The following TMEM26 variants were observed in gnomAD, a reference collection of about 807,000 sequenced individuals.
TMEM26 encodes the protein transmembrane protein 26.
Under a neutral mutation model 28.8 loss-of-function variants are expected in TMEM26, and 38 were observed. The ratio of observed to expected loss-of-function variants is 1.32; its 90% CI spans 1.02 to 1.73. The LOEUF (loss-of-function observed/expected upper bound fraction) is 1.73. Among genes scored for constraint, TMEM26 ranks in the 40% most tolerant of loss-of-function variants. TMEM26 has a pLI of 0.00. For synonymous variants in TMEM26, 227 were observed against 182.9 expected (o/e 1.24, Z -1.95); for missense variants, 518 against 447.1 (o/e 1.16, Z -1.43).
intron 2 of TMEM26, among the ~76,000 whole-genome samples, chr10:61,433,240 T>C (rs1839951056): frequency 6.6e-6 from 1 of 152,142 alleles, no homozygotes; most frequent in African/African-American, 2.4e-5. Flanking sequence ...TGTTATTCTA[T>C]TTGTTATAGA....
intron 1 of TMEM26, among the ~76,000 whole-genome samples, chr10:61,451,394 A>G (rs1024995321): frequency 1.3e-5 from 2 of 152,200 alleles, no homozygotes; most frequent in Non-Finnish European, 2.9e-5. Context: ...GGTTGGTGGC[A>G]GGACTATTTT....
Position 61,409,017 on chromosome 10 carries a change from T to C in TMEM26, c.*1305A>G, listed in dbSNP as rs1839530328. On this transcript the variant is annotated 3_prime_UTR_variant, in exon 6 of 6. Coordinates refer to ENST00000399298, the MANE Select transcript of TMEM26 (RefSeq NM_178505.8). Reference sequence around the variant, plus strand: ...AAATGTCCCTTTGAATTCTCGAGTATACTAATCTGGGGGAATTAGGTTTTG... The same window carrying C: ...AAATGTCCCTTTGAATTCTCGAGTACACTAATCTGGGGGAATTAGGTTTTG... The C allele has an allele frequency of 6.6e-6, 1 of 152,186 alleles. No homozygotes were observed. The highest frequency in any genetic ancestry group is 6.5e-5 in the Admixed American group (1 of 15,276). 9.4% of individuals were successfully genotyped at this position (152,186 alleles called of 1,614,324 possible). A position where few individuals can be genotyped will look rare whatever the true frequency, so the allele number is the denominator to read the frequency against.
chr10:61,428,521 G>T (rs12415904), intron 4 of TMEM26, among the ~76,000 whole-genome samples: 2 of 152,032 alleles, frequency 1.3e-5, no homozygotes, highest in Admixed American at 1.3e-4. Context: ...TTAAACTGTA[G>T]CTATGCTGTG....
chr10:61,411,936 T>A (rs1170302669), intron 5 of TMEM26, among the ~76,000 whole-genome samples: 1 of 152,218 alleles, frequency 6.6e-6, no homozygotes, highest in Non-Finnish European at 1.5e-5. Flanking sequence ...GGTCTTTGTT[T>A]TTCAAACAGC....
In TMEM26 at chr10:61,409,037, G is replaced by C. The variant is rs948312003; in HGVS notation, c.*1285C>G. The C allele has an allele frequency of 5.9e-5, 9 of 152,114 alleles. 1 individual carries two copies. Among genetic ancestry groups the C allele is most frequent in the African/African-American group, 9.7e-5 (4 of 41,428 alleles). 9.4% of individuals were successfully genotyped at this position (152,114 alleles called of 1,614,324 possible). A position where few individuals can be genotyped will look rare whatever the true frequency, so the allele number is the denominator to read the frequency against. The stretch of plus-strand genomic sequence containing the variant: ...GAGTATACTAATCTGGGGGAATTAG[G>C]TTTTGAACCTAAAAGAACAGTTTTG... On this transcript the variant is annotated 3_prime_UTR_variant, in exon 6 of 6. Coordinates refer to ENST00000399298, the MANE Select transcript of TMEM26 (RefSeq NM_178505.8).
intron 5 of TMEM26, among the ~76,000 whole-genome samples, chr10:61,412,537 T>A (rs532303530): frequency 6.6e-6 from 1 of 152,136 alleles, no homozygotes; most frequent in East Asian, 1.9e-4. Flanking sequence ...GAAAACATAA[T>A]TATTAATTTC....
intron 4 of TMEM26, chr10:61,416,063 T>C: frequency 2.2e-6 from 1 of 450,462 alleles, no homozygotes; most frequent in Non-Finnish European, 4.5e-6. Context: ...TACCTCAAAA[T>C]AGAACAAGTT....
Position 61,418,708 on chromosome 10 carries a change from T to C in TMEM26, c.606-5173A>G, listed in dbSNP as rs556555020. ...AGAAATATTTAAAAAATCTGTAGCT[T>C]GCTACTTTGAGACTGCAGTCCTAGT... On this transcript the variant is annotated intron_variant, in intron 4 of 5. Coordinates refer to ENST00000399298, the MANE Select transcript of TMEM26 (RefSeq NM_178505.8). Among the ~76,000 whole-genome samples, 4 of 152,212 alleles carry C rather than the reference T, an allele frequency of 2.6e-5. No individual in the cohort carries two copies. In the South Asian group the frequency reaches 8.3e-4, roughly 32 times the overall value.
chr10:61,413,637 G>A, intron 4 of TMEM26, 102 bp from the exon 5 acceptor site: 2 of 1,351,232 alleles, frequency 1.5e-6, no homozygotes, highest in Non-Finnish European at 1.9e-6. Flanking sequence ...TAAACCTCTT[G>A]TGGCCAAAAT....
At chr10:61,421,082 A>G (rs1233839371) in intron 4 of TMEM26, among the ~76,000 whole-genome samples, 1 of 152,152 alleles carries the variant, frequency 6.6e-6, no homozygotes, top group Non-Finnish European at 1.5e-5. Context: ...CAACAGTGCT[A>G]TGACCAAATG....
intron 5 of TMEM26, 149 bp downstream of exon 5, chr10:61,413,310 G>A: frequency 1.5e-6 from 2 of 1,377,768 alleles, no homozygotes; most frequent in Admixed American, 3.0e-5. Context: ...GGCTTACTAA[G>A]TTTCAATCTA....
chr10:61,445,002 G>A (rs1003563863), intron 1 of TMEM26, among the ~76,000 whole-genome samples: 3 of 152,166 alleles, frequency 2.0e-5, no homozygotes, highest in African/African-American at 7.2e-5. Flanking sequence ...ATCTATTATT[G>A]TCAGTTGTGA....
At chr10:61,425,952 G>C (rs1490925843) in intron 4 of TMEM26, among the ~76,000 whole-genome samples, 1 of 152,052 alleles carries the variant, frequency 6.6e-6, no homozygotes, top group Non-Finnish European at 1.5e-5. Flanking sequence ...CTACCAAAGA[G>C]AAATGAAAAC....
At chr10:61,451,180 A>G (rs1325898494) in intron 1 of TMEM26, among the ~76,000 whole-genome samples, 2 of 151,640 alleles carry the variant, frequency 1.3e-5, no homozygotes, top group African/African-American at 4.9e-5. Context: ...TATCCCAACC[A>G]TTTTTCCTCT....
chr10:61,417,093 G>A (rs914346573), intron 4 of TMEM26, among the ~76,000 whole-genome samples: 13 of 152,016 alleles, frequency 8.6e-5, no homozygotes, highest in African/African-American at 3.1e-4. Flanking sequence ...ATGTTAGAAT[G>A]TAAATAAATC....
At position 61,450,763 on chromosome 10, in the gene TMEM26, G is replaced by A. The variant is rs148526682; in HGVS notation, c.191+2128C>T. On this transcript the variant is annotated intron_variant, in intron 1 of 5. Transcript: ENST00000399298. The stretch of plus-strand genomic sequence containing the variant: ...GGGTCTGTTCTTCCAAAATAAAGGT[G>A]AGAATTTTTTTTTTGACGTTTTTGC... 8.4e-3 allele frequency among the ~76,000 whole-genome samples: 1,279 copies of A among 152,016 alleles called. 12 individuals carry two copies. Among genetic ancestry groups the A allele is most frequent in the African/African-American group, 0.025 (1,024 of 41,486 alleles).
In TMEM26 at chr10:61,410,490, A is replaced by C. The variant is rs1839550940; in HGVS notation, c.939T>G (p.Ala313=). 1 of 1,614,164 alleles carries C rather than the reference A, an allele frequency of 6.2e-7. No individual in the cohort carries two copies. The highest frequency in any genetic ancestry group is 8.5e-7 in the Non-Finnish European group (1 of 1,180,030). The part of the protein sequence containing the change: ...RLVVLALAVR[A]SLRSQSEGLK... ...GGCCTTCTGACTGACTTCTCAACGAAGCACGGACTGCCAATGCCAGCACCA... is the reference window on the plus strand; with the variant it reads ...GGCCTTCTGACTGACTTCTCAACGACGCACGGACTGCCAATGCCAGCACCA... Residue 313 remains alanine (A), a synonymous_variant, in exon 6 of 6, where the codon GCT becomes GCG. Coordinates refer to ENST00000399298, the MANE Select transcript of TMEM26 (RefSeq NM_178505.8).
chr10:61,427,732 G>A (rs2204016), intron 4 of TMEM26, among the ~76,000 whole-genome samples: 70,781 of 151,832 alleles, frequency 0.47, 18,206 homozygotes, highest in African/African-American at 0.69. Context: ...TTTTGCATGT[G>A]CATGTTTATT....
In TMEM26 at chr10:61,406,722, G is replaced by T. The variant is rs1350572422; in HGVS notation, c.*3600C>A. 3 of 152,042 alleles carry T rather than the reference G, an allele frequency of 2.0e-5. No individual in the cohort carries two copies. The highest frequency in any genetic ancestry group is 4.4e-5 in the Non-Finnish European group (3 of 67,982). The allele number at this position is 152,042 out of a possible 1,614,324, so 9.4% of individuals were successfully genotyped here. On this transcript the variant is annotated 3_prime_UTR_variant, in exon 6 of 6. Coordinates refer to ENST00000399298, the MANE Select transcript of TMEM26 (RefSeq NM_178505.8). The stretch of plus-strand genomic sequence containing the variant: ...GCAAAATAGTATAAATATAAATACT[G>T]CAGAGAAAATATTCTTATATGGTAT...
Sources: allele counts gnomAD v4.1 joint callset (sites outside exome capture counted in the v4.1 genomes callset), GRCh38; gene constraint gnomAD v4.1.1; transcripts MANE v1.5; gene names NCBI Gene and HGNC (gene_info 2026-07-23, HGNC 2026-07-21).